WASF2: variants seen among roughly 807,000 people sequenced by gnomAD.
WASF2 encodes the protein WASP family member 2, also known as actin-binding protein WASF2.
In WASF2, 14 loss-of-function variants were observed where a neutral mutation model predicts 45.0. The observed-to-expected ratio is 0.31, with a 90% CI of 0.21 to 0.49. The LOEUF is 0.49. WASF2 is among the 20% of genes least tolerant of loss of function. WASF2 has a pLI of 0.99. For synonymous variants in WASF2, 200 were observed against 236.3 expected (o/e 0.85, Z 1.41); for missense variants, 439 against 636.1 (o/e 0.69, Z 3.33).
At position 27,405,781 on chromosome 1, in the gene WASF2, G is replaced by A. The variant is rs2016664794; in HGVS notation, c.*2408C>T. On this transcript the variant is annotated 3_prime_UTR_variant, in exon 9 of 9. Coordinates refer to ENST00000618852, the MANE Select transcript of WASF2 (RefSeq NM_006990.5). The stretch of plus-strand genomic sequence containing the variant: ...TGAGAGCGTCAGGCAGAGCTGTGCT[G>A]TTGCTCTCCGGGACTTGCAGATCAT... 1 of 152,482 alleles carries A rather than the reference G, an allele frequency of 6.6e-6. No individual in the cohort carries two copies. Among genetic ancestry groups the A allele is most frequent in the African/African-American group, 2.4e-5 (1 of 41,388 alleles). 9.4% of individuals were successfully genotyped at this position (152,482 alleles called of 1,614,324 possible).
chr1:27,487,705 A>G (rs867026278), intron 1 of WASF2, among the ~76,000 whole-genome samples: 4 of 116,684 alleles, frequency 3.4e-5, no homozygotes, highest in African/African-American at 1.4e-4. Context: ...TATTTTATAC[A>G]ATATATAATG....
chr1:27,426,169 C>A (rs988851383), intron 2 of WASF2, among the ~76,000 whole-genome samples: 1 of 152,128 alleles, frequency 6.6e-6, no homozygotes, highest in Non-Finnish European at 1.5e-5. Context: ...GAAATAGTTG[C>A]GATGTGTACT....
At chr1:27,430,142 G>A (rs752760665) in intron 1 of WASF2, among the ~76,000 whole-genome samples, 114 of 152,112 alleles carry the variant, frequency 7.5e-4, no homozygotes, top group African/African-American at 2.3e-3. Context: ...TTAGATTACC[G>A]AATTCCTAGT....
At chr1:27,434,952 A>AC (rs1553149421) in intron 1 of WASF2, among the ~76,000 whole-genome samples, 1 of 146,880 alleles carries the variant, frequency 6.8e-6, no homozygotes, top group Non-Finnish European at 1.5e-5. Context: ...TTATCATGCA[A>AC]TTTTTTTTTT....
rs1157341281 is a variant in WASF2 at position 27,410,201 on chromosome 1, G to C, written c.830C>G (p.Pro277Arg). The change falls in exon 8 of 9, where the codon CCA (proline) becomes CGA (arginine). Residue 277 changes from proline to arginine, a missense_variant. Pro to Arg is a moderately radical substitution (Grantham distance 103). This residue lies in a region of WASF2 where 286 missense variants were observed against 373.5 expected (regional missense o/e 0.77). Coordinates refer to ENST00000618852, the MANE Select transcript of WASF2 (RefSeq NM_006990.5). The surrounding 1 kb of genome is among the most constrained non-coding windows in gnomAD (Gnocchi z 4.2). ...ACCAGATCCTCTTTGGTTGTCCACT[G>C]GGTAACTAAAAGGCCAAAGAAAAAA... ...LPPPPAEFSY[P>R]VDNQRGSGLA... is the part of the protein sequence containing the mutation. 2 of 1,613,900 alleles carry C rather than the reference G, an allele frequency of 1.2e-6. No individual in the cohort carries two copies. Among genetic ancestry groups the C allele is most frequent in the Non-Finnish European group, 1.7e-6 (2 of 1,179,982 alleles).
At chr1:27,425,188 A>T (rs142131924) in intron 2 of WASF2, among the ~76,000 whole-genome samples, 1 of 152,346 alleles carries the variant, frequency 6.6e-6, no homozygotes, top group East Asian at 1.9e-4. Flanking sequence ...TCCCAGGCTC[A>T]AGCGATCCTC....
At chr1:27,485,662 T>G (rs905551515) in intron 1 of WASF2, among the ~76,000 whole-genome samples, 5 of 152,220 alleles carry the variant, frequency 3.3e-5, no homozygotes, top group Non-Finnish European at 5.9e-5. Flanking sequence ...GACTTTGAAA[T>G]TAACTGGACT....
intron 1 of WASF2, among the ~76,000 whole-genome samples, chr1:27,477,920 A>AAAAAAAAAAAAAAAAATAAAT (rs2017790807): frequency 1.1e-5 from 1 of 90,834 alleles, no homozygotes; most frequent in African/African-American, 7.6e-5. Flanking sequence ...ATAAATAAAT[A>AAAAAAAAAAAAAAAAATAAAT]AAAAAAAAAA....
At chr1:27,415,242 C>G (rs1473918980) in intron 5 of WASF2, among the ~76,000 whole-genome samples, 2 of 152,158 alleles carry the variant, frequency 1.3e-5, no homozygotes, top group Non-Finnish European at 2.9e-5. Context: ...TTGAAAAGCT[C>G]TAATTGCTAG....
Position 27,477,928 on chromosome 1 carries a change from A to T in WASF2, c.-44+12058T>A, listed in dbSNP as rs1254243602. Among the ~76,000 whole-genome samples the T allele has an allele frequency of 8.7e-5, 9 of 102,944 alleles. 2 individuals carry two copies. The East Asian group carries it at 1.4e-3, about 17-fold the overall frequency. The allele number at this position is 102,944 out of a possible 152,430, so 67.5% of individuals were successfully genotyped here. A position where few individuals can be genotyped will look rare whatever the true frequency, so the allele number is the denominator to read the frequency against. On this transcript the variant is annotated intron_variant, in intron 1 of 8. Transcript: ENST00000618852. Reference sequence around the variant, plus strand: ...AAAAAAAATAAATAAATAAAAAAAAAAATAAAAATAAATAAATCTAGGATA... The same window carrying T: ...AAAAAAAATAAATAAATAAAAAAAATAATAAAAATAAATAAATCTAGGATA...
chr1:27,438,633 G>C (rs1469629185), intron 1 of WASF2, among the ~76,000 whole-genome samples: 1 of 152,206 alleles, frequency 6.6e-6, no homozygotes, highest in African/African-American at 2.4e-5. Flanking sequence ...ACACTTCAGG[G>C]CAATACACAA....
Position 27,410,561 on chromosome 1 carries a change from G to A in WASF2, c.825-355C>T, listed in dbSNP as rs995018900. Among the ~76,000 whole-genome samples the A allele has an allele frequency of 1.3e-5, 2 of 152,170 alleles. No homozygotes were observed. The highest frequency in any genetic ancestry group is 4.8e-5 in the African/African-American group (2 of 41,430). ...ACCCTCCCTCCCCTTCCCTAAGAAG[G>A]ATGGTCCATGGCAGTTGCTAGTTTA... On this transcript the variant is annotated intron_variant, in intron 7 of 8. Coordinates refer to ENST00000618852, the MANE Select transcript of WASF2 (RefSeq NM_006990.5). This position sits in a 1 kb window ranked among gnomAD's most constrained non-coding sequence, Gnocchi z 4.2.
chr1:27,446,608 C>G (rs945080646), intron 1 of WASF2, among the ~76,000 whole-genome samples: 10 of 151,954 alleles, frequency 6.6e-5, no homozygotes, highest in African/African-American at 2.4e-4. Context: ...TGGCAAAACC[C>G]CATCTCTACA....
intron 1 of WASF2, among the ~76,000 whole-genome samples, chr1:27,447,524 C>A (rs539626482): frequency 2.9e-4 from 44 of 152,210 alleles, no homozygotes; most frequent in Non-Finnish European, 5.6e-4. Context: ...TATGTTGCAG[C>A]AGCTCCTGAC....
chr1:27,422,910 G>A (rs566007942), intron 2 of WASF2, among the ~76,000 whole-genome samples: 196 of 152,200 alleles, frequency 1.3e-3, no homozygotes, highest in African/African-American at 4.5e-3. Flanking sequence ...AGGCCGAGGC[G>A]GGTGGATCAC....
chr1:27,481,626 C>T (rs139955464), intron 1 of WASF2, among the ~76,000 whole-genome samples: 6 of 151,924 alleles, frequency 3.9e-5, no homozygotes, highest in African/African-American at 1.2e-4. Context: ...ATGGCTTGAG[C>T]CTGGGGTGAG....
chr1:27,451,437 A>G (rs765169922), intron 1 of WASF2, among the ~76,000 whole-genome samples: 4 of 152,234 alleles, frequency 2.6e-5, no homozygotes, highest in Non-Finnish European at 5.9e-5. Flanking sequence ...GCTGAAGTGC[A>G]GGAAGTCATG....
Position 27,404,389 on chromosome 1 carries a change from G to A in WASF2, c.*3800C>T, listed in dbSNP as rs550298880. On this transcript the variant is annotated 3_prime_UTR_variant, in exon 9 of 9. Transcript: ENST00000618852. Reference sequence around the variant, plus strand: ...AAATGAGACCAGGCTTGGAGCTACAGGGATTTAAAAAAATTGGATGTCTTT... The same window carrying A: ...AAATGAGACCAGGCTTGGAGCTACAAGGATTTAAAAAAATTGGATGTCTTT... 2.6e-5 allele frequency: 4 copies of A among 152,372 alleles called. No individual in the cohort carries two copies. Among genetic ancestry groups the A allele is most frequent in the South Asian group, 4.1e-4 (2 of 4,826 alleles). The allele number at this position is 152,372 out of a possible 1,614,324, so 9.4% of individuals were successfully genotyped here. A position where few individuals can be genotyped will look rare whatever the true frequency, so the allele number is the denominator to read the frequency against.
rs912802797 is a variant in WASF2 at position 27,464,210 on chromosome 1, T to C, written c.-44+25776A>G. 1.8e-4 allele frequency among the ~76,000 whole-genome samples: 27 copies of C among 151,698 alleles called. 1 individual carries two copies. In the Middle Eastern group the frequency reaches 0.01, roughly 58 times the overall value. ...ACCTGACCAACATGGTGAAACCCCATCTCTACTAAAAATAAAAAAAATTAG... is the reference window on the plus strand; with the variant it reads ...ACCTGACCAACATGGTGAAACCCCACCTCTACTAAAAATAAAAAAAATTAG... On this transcript the variant is annotated intron_variant, in intron 1 of 8. Transcript: ENST00000618852.
Sources: allele counts gnomAD v4.1 joint callset (sites outside exome capture counted in the v4.1 genomes callset), GRCh38; gene constraint gnomAD v4.1.1; regional missense constraint gnomAD v4.1.1; non-coding constraint Gnocchi (gnomAD v3.1); transcripts MANE v1.5; gene names NCBI Gene and HGNC (gene_info 2026-07-23, HGNC 2026-07-21).